Variants in MYRIP observed in about 807,000 individuals in gnomAD.
MYRIP encodes the protein rab effector MyRIP.
Under a neutral mutation model 98.0 loss-of-function variants are expected in MYRIP, and 49 were observed. The ratio of observed to expected loss-of-function variants is 0.50; its 90% CI spans 0.40 to 0.63. The LOEUF is 0.63. MYRIP is among the 30% of genes least tolerant of loss of function. The probability of loss-of-function intolerance (pLI) is 0.00; values close to 1 mark genes in which losing one functional copy is unlikely to be tolerated. For synonymous variants in MYRIP, 404 were observed against 409.5 expected (o/e 0.99, Z 0.16); for missense variants, 1,004 against 1,058.2 (o/e 0.95, Z 0.71).
At position 39,917,318 on chromosome 3, in the gene MYRIP, T is replaced by A. The variant is rs377177294; in HGVS notation, c.110+16392T>A. ...TGTACTCCATCAACTTTATAACTTA[T>A]CCAATTATTCATTGCCAGGAACATG... On this transcript the variant is annotated intron_variant, in intron 2 of 16. Coordinates refer to ENST00000302541, the MANE Select transcript of MYRIP (RefSeq NM_015460.4). Among the ~76,000 whole-genome samples the A allele has an allele frequency of 2.1e-3, 323 of 150,992 alleles. 7 individuals are homozygous for A. In the South Asian group the frequency reaches 0.066, roughly 31 times the overall value.
intron 10 of MYRIP, among the ~76,000 whole-genome samples, chr3:40,192,969 T>C (rs1447005720): frequency 1.3e-5 from 2 of 152,178 alleles, no homozygotes; most frequent in African/African-American, 4.8e-5. Context: ...ATGAGGAAAG[T>C]TCACCAAAGC....
intron 10 of MYRIP, among the ~76,000 whole-genome samples, chr3:40,208,134 G>A (rs1428106704): frequency 6.6e-6 from 1 of 152,048 alleles, no homozygotes; most frequent in Non-Finnish European, 1.5e-5. Flanking sequence ...CCTGGATGAT[G>A]AAATAGCAAA....
intron 2 of MYRIP, among the ~76,000 whole-genome samples, chr3:39,936,350 G>A (rs1430281411): frequency 1.3e-5 from 2 of 152,216 alleles, no homozygotes; most frequent in Admixed American, 6.5e-5. Context: ...CAACAGAGGA[G>A]TCAGAACCAT....
At chr3:39,957,591 T>C (rs1945201337) in intron 2 of MYRIP, among the ~76,000 whole-genome samples, 1 of 152,114 alleles carries the variant, frequency 6.6e-6, no homozygotes, top group Non-Finnish European at 1.5e-5. Flanking sequence ...GGGCAAAAAC[T>C]GGAAGCATTC....
chr3:40,172,223 A>T (rs567530528), intron 8 of MYRIP, among the ~76,000 whole-genome samples: 1 of 152,184 alleles, frequency 6.6e-6, no homozygotes, highest in Non-Finnish European at 1.5e-5. Context: ...ACAACAACAA[A>T]AACACAGGGG....
At chr3:40,108,516 T>C (rs1949097814) in intron 3 of MYRIP, among the ~76,000 whole-genome samples, 2 of 151,964 alleles carry the variant, frequency 1.3e-5, no homozygotes, top group Admixed American at 1.3e-4. Context: ...TACAAAAGGC[T>C]GAAATGGAGA....
In MYRIP at chr3:40,034,404, T is replaced by C. The variant is rs560587797; in HGVS notation, c.111-9646T>C. 4.2e-4 allele frequency among the ~76,000 whole-genome samples: 64 copies of C among 152,192 alleles called. 1 individual carries two copies. The highest frequency in any genetic ancestry group is 1.3e-3 in the African/African-American group (55 of 41,504). ...AAAAACAAACAACCCCATCAACAAG[T>C]GGGCGAAGGATATGAACAGACACTT... On this transcript the variant is annotated intron_variant, in intron 2 of 16. Coordinates refer to ENST00000302541, the MANE Select transcript of MYRIP (RefSeq NM_015460.4).
Position 40,222,752 on chromosome 3 carries a change from A to G in MYRIP, c.1906-11107A>G, listed in dbSNP as rs1311686576. On this transcript the variant is annotated intron_variant, in intron 11 of 16. Coordinates refer to ENST00000302541, the MANE Select transcript of MYRIP (RefSeq NM_015460.4). ...CTGAAAGCATAGATGAGGTCAGATC[A>G]TGAACATTTACCTGATGTATAAAGA... 3.9e-5 allele frequency among the ~76,000 whole-genome samples: 6 copies of G among 152,372 alleles called. No individual in the cohort carries two copies. In the East Asian group the frequency reaches 1.2e-3, roughly 29 times the overall value.
Position 40,190,060 on chromosome 3 carries a change from C to G in MYRIP, c.1262C>G (p.Pro421Arg). 1 of 1,614,000 alleles carries G rather than the reference C, an allele frequency of 6.2e-7. No homozygotes were observed. The highest frequency in any genetic ancestry group is 1.3e-5 in the African/African-American group (1 of 75,046). Residue 421 changes from proline to arginine, a missense_variant, in exon 10 of 17, where the codon CCC becomes CGC. Pro to Arg is a moderately radical substitution (Grantham distance 103). This residue lies in a region of MYRIP where 880 missense variants were observed against 907.7 expected (regional missense o/e 0.97). Transcript: ENST00000302541. ...AGGTCCCGGGCCCTGCCCAGGAACC[C>G]CCAGCCTCAGCCCACACAGGCCCAG... The part of the protein sequence containing the change: ...CPRSRALPRN[P>R]QPQPTQAQSS...
intron 4 of MYRIP, among the ~76,000 whole-genome samples, chr3:40,162,430 C>T (rs1204739159): frequency 6.6e-6 from 1 of 152,210 alleles, no homozygotes; most frequent in African/African-American, 2.4e-5. Context: ...ATTGACCTTA[C>T]ATCTCTCAGA....
At chr3:40,009,187 C>T (rs1946699287) in intron 2 of MYRIP, among the ~76,000 whole-genome samples, 1 of 151,952 alleles carries the variant, frequency 6.6e-6, no homozygotes. Flanking sequence ...ATTGCTGGCG[C>T]CCTCTCCTAG....
At chr3:40,244,830 T>G (rs946052496) in intron 13 of MYRIP, among the ~76,000 whole-genome samples, 2 of 152,222 alleles carry the variant, frequency 1.3e-5, no homozygotes, top group African/African-American at 2.4e-5. Flanking sequence ...TGGATGCCCT[T>G]TAAACCTTAT....
intron 11 of MYRIP, among the ~76,000 whole-genome samples, chr3:40,218,621 T>C (rs1264934105): frequency 0.033 from 2,702 of 81,414 alleles, 208 homozygotes; most frequent in African/African-American, 0.097. Context: ...TTTATATATA[T>C]ATATATATAT....
At chr3:39,957,697 A>G (rs548714744) in intron 2 of MYRIP, among the ~76,000 whole-genome samples, 47 of 151,494 alleles carry the variant, frequency 3.1e-4, no homozygotes, top group Admixed American at 1.8e-3. Context: ...GGCAGGAGAA[A>G]GAAATAAAGG....
At chr3:40,239,279 T>C (rs1952924713) in intron 12 of MYRIP, among the ~76,000 whole-genome samples, 1 of 151,102 alleles carries the variant, frequency 6.6e-6, no homozygotes, top group African/African-American at 2.5e-5. Context: ...GGTATATATG[T>C]GCCACATTTT....
At chr3:40,203,339 T>C (rs1177656755) in intron 10 of MYRIP, among the ~76,000 whole-genome samples, 1 of 152,076 alleles carries the variant, frequency 6.6e-6, no homozygotes, top group Non-Finnish European at 1.5e-5. Flanking sequence ...AAACTTTAAA[T>C]ACTGTCAATT....
intron 12 of MYRIP, among the ~76,000 whole-genome samples, chr3:40,235,662 T>C (rs17076962): frequency 0.056 from 8,584 of 152,288 alleles, 292 homozygotes; most frequent in African/African-American, 0.093. Context: ...ATCTGCCTCA[T>C]TTCATCCCGT....
rs1479122337 is a variant in MYRIP, at chr3:40,085,726, C to T, written c.332+41455C>T. On this transcript the variant is annotated intron_variant, in intron 3 of 16. Transcript: ENST00000302541. ...AAAGAATCGAAAAAGCTTATAGTGT[C>T]CTCAAGAAGGAAGAAGAAAGGAAGG... Among the ~76,000 whole-genome samples the T allele has an allele frequency of 3.3e-5, 5 of 152,032 alleles. No homozygotes were observed. In the South Asian group the frequency reaches 1.0e-3, roughly 32 times the overall value.
At chr3:39,952,472 T>C (rs919383530) in intron 2 of MYRIP, among the ~76,000 whole-genome samples, 4 of 152,220 alleles carry the variant, frequency 2.6e-5, no homozygotes, top group Admixed American at 6.5e-5. Flanking sequence ...ATACGGTATA[T>C]TACATTAATT....
Sources: allele counts gnomAD v4.1 joint callset (sites outside exome capture counted in the v4.1 genomes callset), GRCh38; gene constraint gnomAD v4.1.1; regional missense constraint gnomAD v4.1.1; transcripts MANE v1.5; gene names NCBI Gene and HGNC (gene_info 2026-07-23, HGNC 2026-07-21).